The following PSG6 variants were observed in gnomAD, a reference collection of about 807,000 sequenced individuals.
PSG6 encodes pregnancy specific beta-1-glycoprotein 6, also known as pregnancy-specific beta-1-glycoprotein 6.
A neutral mutation model predicts 43.3 loss-of-function variants in PSG6; 51 were observed. That is an observed-to-expected ratio of 1.18 (90% confidence interval 0.94 to 1.49). The LOEUF (loss-of-function observed/expected upper bound fraction) is 1.49, where lower values mean the gene tolerates loss of function less well. Ranked by LOEUF, PSG6 falls within the 40% of genes most tolerant of loss-of-function variation. The probability of loss-of-function intolerance (pLI) is 0.00; values close to 1 mark genes in which losing one functional copy is unlikely to be tolerated. For synonymous variants in PSG6, 292 were observed against 197.6 expected (o/e 1.48, Z -4.01); for missense variants, 770 against 522.2 (o/e 1.47, Z -4.62).
chr19:42,904,873 C>G (rs1178167151), intron 5 of PSG6, among the ~76,000 whole-genome samples: 19 of 151,684 alleles, frequency 1.3e-4, no homozygotes, highest in Non-Finnish European at 1.5e-5. Flanking sequence ...CTCACACTTC[C>G]TGATTTCAGC....
At position 42,903,721 on chromosome 19, in the gene PSG6, T is replaced by G. The variant is rs374452199; in HGVS notation, c.1241-1275A>C. 8.6e-4 allele frequency: 1,277 copies of G among 1,487,542 alleles called. 37 individuals are homozygous for G. The South Asian group carries it at 0.012, about 14-fold the overall frequency. 92.1% of individuals were successfully genotyped at this position (1,487,542 alleles called of 1,614,324 possible). On this transcript the variant is annotated intron_variant, in intron 5 of 5. Transcript: ENST00000187910. ...ATAGGTAACCTGGGGAGATGCTGTC[T>G]CTACAAAAAAAAAAAAAACCAATTA...
chr19:42,906,499 A>G, intron 5 of PSG6: 2 of 1,231,458 alleles, frequency 1.6e-6, no homozygotes, highest in Non-Finnish European at 2.1e-6. Flanking sequence ...TCCTCCTCTC[A>G]TTTGGGGGAA....
At chr19:42,907,484 T>C in intron 4 of PSG6, 92 bp downstream of exon 4, 2 of 1,575,726 alleles carry the variant, frequency 1.3e-6, no homozygotes, top group Non-Finnish European at 1.7e-6. Context: ...AAGTTGTCTA[T>C]ACTTGGACCG....
intron 5 of PSG6, among the ~76,000 whole-genome samples, chr19:42,904,305 T>A (rs918726296): frequency 1.3e-5 from 2 of 151,302 alleles, no homozygotes; most frequent in African/African-American, 4.9e-5. Context: ...ATCAGAAAAA[T>A]TAGGGAAGAA....
rs762668809 is a variant in PSG6 at position 42,916,247 on chromosome 19, G to T, written c.305C>A (p.Ser102Tyr). ...PAYSGRETVYSNASLLIQNVT... is the reference protein window; with the variant it reads ...PAYSGRETVYYNASLLIQNVT... ...ATTCTGGATCAGCAGGGATGCATTGGAATATACTGTTTCTCGTCCACTGTA... is the reference window on the plus strand; with the variant it reads ...ATTCTGGATCAGCAGGGATGCATTGTAATATACTGTTTCTCGTCCACTGTA... The change falls in exon 2 of 6, where the codon TCC becomes TAC. Residue 102 changes from serine to tyrosine, a missense_variant. By Grantham distance (144) the Ser-to-Tyr change is moderately radical (BLOSUM62 -2). Transcript: ENST00000187910. 1.9e-5 allele frequency: 30 copies of T among 1,612,060 alleles called. No individual in the cohort carries two copies. Among genetic ancestry groups the T allele is most frequent in the Admixed American group, 1.2e-4 (7 of 59,870 alleles).
Position 42,910,579 on chromosome 19 carries a change from C to G in PSG6, c.706+1G>C. 6.2e-7 allele frequency: 1 copy of G among 1,612,468 alleles called. No homozygotes were observed. Among genetic ancestry groups the G allele is most frequent in the South Asian group, 1.1e-5 (1 of 90,632 alleles). On this transcript the variant is annotated splice_donor_variant, in intron 3 of 5. Transcript: ENST00000187910. LOFTEE classifies it high-confidence loss of function. ...CTCACAGAGGAACAGAAGATACTCA[C>G]GGAGGAGATTCAGGGTGACTGGGTC...
intron 5 of PSG6, among the ~76,000 whole-genome samples, chr19:42,906,051 G>GAT (rs1313371763): frequency 6.6e-6 from 1 of 151,504 alleles, no homozygotes; most frequent in Non-Finnish European, 1.5e-5. Flanking sequence ...TCTAATATTA[G>GAT]ATATATATAA....
rs774752537 is a variant in PSG6, at chr19:42,910,882, T to C, written c.428-24A>G. On this transcript the variant is annotated intron_variant, in intron 2 of 5. Coordinates refer to ENST00000187910, the MANE Select transcript of PSG6 (RefSeq NM_001031850.4). ...CGCTGTGCAGAAAACAGAGAGAAGA[T>C]TGCCCTGTGTGGCACCTTTGATTCC... The C allele has an allele frequency of 9.5e-6, 15 of 1,583,648 alleles. No homozygotes were observed. In the African/African-American group the frequency reaches 1.9e-4, roughly 20 times the overall value.
intron 2 of PSG6, among the ~76,000 whole-genome samples, chr19:42,912,551 C>T (rs1972247408): frequency 6.6e-6 from 1 of 151,672 alleles, no homozygotes; most frequent in African/African-American, 2.4e-5. Context: ...GTGTCAATTA[C>T]ATAAAAGGAG....
rs145518148 is a variant in PSG6 at position 42,910,678 on chromosome 19, A to T, written c.608T>A (p.Leu203Gln). ...QLSKTNRTLY[L>Q]FGVTKYIAGP... ...TGCAATATACTTTGTGACACCAAATAGATAGAGGGTCCTGTTGGTTTTGGA... is the reference window on the plus strand; with the variant it reads ...TGCAATATACTTTGTGACACCAAATTGATAGAGGGTCCTGTTGGTTTTGGA... The change falls in exon 3 of 6, where the codon CTA (leucine) becomes CAA (glutamine). Residue 203 changes from leucine (L) to glutamine (Q), a missense_variant. By Grantham distance (113) the Leu-to-Gln change is moderately radical (BLOSUM62 -2). Coordinates refer to ENST00000187910, the MANE Select transcript of PSG6 (RefSeq NM_001031850.4). The T allele has an allele frequency of 3.0e-5, 48 of 1,612,214 alleles. 1 individual carries two copies. Among genetic ancestry groups the T allele is most frequent in the African/African-American group, 4.0e-5 (3 of 74,698 alleles).
In PSG6 at chr19:42,906,087, A is replaced by C. The variant is rs552415936; in HGVS notation, c.1240+835T>G. Among the ~76,000 whole-genome samples the C allele has an allele frequency of 5.3e-5, 8 of 151,692 alleles. 1 individual carries two copies. In the East Asian group the frequency reaches 1.6e-3, roughly 29 times the overall value. On this transcript the variant is annotated intron_variant, in intron 5 of 5. Coordinates refer to ENST00000187910, the MANE Select transcript of PSG6 (RefSeq NM_001031850.4). Reference sequence around the variant, plus strand: ...AGTGTCTCGTGGTCTTGCCCTCTCTATAATTACACACTTTTTGGCACTGCC... The same window carrying C: ...AGTGTCTCGTGGTCTTGCCCTCTCTCTAATTACACACTTTTTGGCACTGCC...
intron 5 of PSG6, among the ~76,000 whole-genome samples, chr19:42,906,368 T>C (rs1972111874): frequency 6.6e-6 from 1 of 151,472 alleles, no homozygotes; most frequent in Admixed American, 6.6e-5. Flanking sequence ...ACCAGGGCCC[T>C]TTCTCCACAC....
At chr19:42,903,023 C>A (rs1307721590) in intron 5 of PSG6, among the ~76,000 whole-genome samples, 1 of 151,600 alleles carries the variant, frequency 6.6e-6, no homozygotes, top group Non-Finnish European at 1.5e-5. Flanking sequence ...GTCAGGTAGG[C>A]ATTATTTCCA....
chr19:42,910,823 A>T lies in PSG6; in HGVS notation c.463T>A (p.Leu155Ile). The change falls in exon 3 of 6, where the codon TTA becomes ATA. Residue 155 changes from leucine (L) to isoleucine (I), a missense_variant. Physicochemically the swap from Leu to Ile is conservative, Grantham distance 5. Transcript: ENST00000187910. ...TPKPSISSSN[L>I]NPREVMEAVR... The stretch of plus-strand genomic sequence containing the variant: ...GCCTCCATGACCTCCCTGGGGTTTA[A>T]GTTGCTGCTGGAGATGGAGGGCTTG... 2 of 1,611,868 alleles carry T rather than the reference A, an allele frequency of 1.2e-6. No homozygotes were observed. Among genetic ancestry groups the T allele is most frequent in the Non-Finnish European group, 1.7e-6 (2 of 1,178,960 alleles).
intron 2 of PSG6, among the ~76,000 whole-genome samples, chr19:42,912,780 C>G (rs1972251464): frequency 6.6e-6 from 1 of 151,530 alleles, no homozygotes; most frequent in Admixed American, 6.6e-5. Context: ...GCTCTTGTGT[C>G]TCCCCACACG....
In PSG6 at chr19:42,907,847, C is replaced by G. The variant is rs774296600; in HGVS notation, c.714G>C (p.Leu238=). ...DPVTLNLLPK[L]PMPYITINNL... is the part of the protein sequence containing the mutation. Reference sequence around the variant, plus strand: ...TGTTGATGGTGATGTAAGGCATGGGCAGCTTCGCTGTGTGGATAACAGAAG... The same window carrying G: ...TGTTGATGGTGATGTAAGGCATGGGGAGCTTCGCTGTGTGGATAACAGAAG... Residue 238 remains leucine (L), a synonymous_variant, in exon 4 of 6, where the codon CTG becomes CTC. Transcript: ENST00000187910. 1.2e-6 allele frequency: 2 copies of G among 1,611,014 alleles called. No homozygotes were observed. Among genetic ancestry groups the G allele is most frequent in the East Asian group, 2.2e-5 (1 of 44,812 alleles).
intron 2 of PSG6, among the ~76,000 whole-genome samples, chr19:42,913,123 T>C (rs1424217998): frequency 6.6e-6 from 1 of 151,584 alleles, no homozygotes; most frequent in Non-Finnish European, 1.5e-5. Context: ...GTGCGGTCTA[T>C]CAGTAAGCAT....
intron 3 of PSG6, chr19:42,908,068 G>T: frequency 1.2e-6 from 1 of 833,752 alleles, no homozygotes; most frequent in Non-Finnish European, 1.8e-6. Flanking sequence ...ACTTTCTCAA[G>T]TGTCAATTGA....
rs754914500 is a variant in PSG6, at chr19:42,912,418, G to A, written c.428-1560C>T. ...ATATTTCTCTTGAGACCAAAATAAG[G>A]TTTAGGTGTGCCATGAATTCCAGCA... On this transcript the variant is annotated intron_variant, in intron 2 of 5. Coordinates refer to ENST00000187910, the MANE Select transcript of PSG6 (RefSeq NM_001031850.4). 4.0e-5 allele frequency among the ~76,000 whole-genome samples: 6 copies of A among 151,634 alleles called. 1 individual carries two copies. The highest frequency in any genetic ancestry group is 7.4e-5 in the Non-Finnish European group (5 of 67,910).
Sources: gnomAD v4.1 joint callset for allele counts (sites outside exome capture counted in the v4.1 genomes callset) on GRCh38, gnomAD v4.1.1 for gene constraint, MANE v1.5 for transcripts, NCBI Gene and HGNC (gene_info 2026-07-23, HGNC 2026-07-21) for gene names.